CNTN6: variants seen among roughly 807,000 people sequenced by gnomAD.
CNTN6 encodes contactin-6.
A neutral mutation model predicts 122.8 loss-of-function variants in CNTN6; 137 were observed. The ratio of observed to expected loss-of-function variants is 1.12; its 90% CI spans 0.97 to 1.29. CNTN6 has a LOEUF of 1.29. Among genes scored for constraint, CNTN6 ranks in the 50% most tolerant of loss-of-function variants. The pLI, the probability that CNTN6 is intolerant of heterozygous loss-of-function variation, is 0.00. For synonymous variants in CNTN6, 570 were observed against 426.0 expected (o/e 1.34, Z -4.16); for missense variants, 1,634 against 1,223.4 (o/e 1.34, Z -5.01).
In CNTN6 at chr3:1,402,727, G is replaced by A. The variant is rs1039489387; in HGVS notation, c.2986+241G>A. The A allele has an allele frequency of 2.6e-5, 10 of 383,022 alleles. No individual in the cohort carries two copies. The Admixed American group carries it at 4.1e-4, about 16-fold the overall frequency. 23.7% of individuals were successfully genotyped at this position (383,022 alleles called of 1,614,324 possible). ...AAAGAGAACAGGAAAAAAAATCTTT[G>A]TGTCATTAGAGCATAATTGTATCAC... On this transcript the variant is annotated intron_variant, in intron 22 of 22. Transcript: ENST00000446702.
intron 20 of CNTN6, among the ~76,000 whole-genome samples, chr3:1,391,550 GC>G (rs1694147011): frequency 7.3e-6 from 1 of 136,422 alleles, no homozygotes; most frequent in African/African-American, 2.9e-5. Context: ...GGAAGTTCTG[GC>G]CAGGGCAATT....
chr3:1,265,760 C>T (rs1451579921), intron 4 of CNTN6, among the ~76,000 whole-genome samples: 1 of 152,160 alleles, frequency 6.6e-6, no homozygotes, highest in Non-Finnish European at 1.5e-5. Context: ...TATGCCATGT[C>T]CTCTGGAGCT....
chr3:1,234,179 T>C (rs2094393259), intron 4 of CNTN6, among the ~76,000 whole-genome samples: 2 of 152,292 alleles, frequency 1.3e-5, no homozygotes, highest in Middle Eastern at 6.8e-3. Context: ...ATTTCTAACA[T>C]TTCCTTCTTG....
chr3:1,335,799 T>G (rs750757408), intron 11 of CNTN6, among the ~76,000 whole-genome samples: 12 of 152,022 alleles, frequency 7.9e-5, no homozygotes, highest in Non-Finnish European at 1.6e-4. Flanking sequence ...GAGGCCAAGG[T>G]AGAAGGACTG....
At chr3:1,099,378 G>A (rs111749234) in intron 1 of CNTN6, among the ~76,000 whole-genome samples, 2 of 152,026 alleles carry the variant, frequency 1.3e-5, no homozygotes, top group Admixed American at 6.6e-5. Context: ...GGGAACCCGG[G>A]GGGCGGAGCT....
At chr3:1,136,691 A>C (rs1275631751) in intron 1 of CNTN6, among the ~76,000 whole-genome samples, 1 of 152,152 alleles carries the variant, frequency 6.6e-6, no homozygotes, top group African/African-American at 2.4e-5. Flanking sequence ...TTTCTCTTTC[A>C]AATGTTCAGA....
chr3:1,176,945 C>T (rs1019056572), intron 2 of CNTN6, among the ~76,000 whole-genome samples: 7 of 152,070 alleles, frequency 4.6e-5, no homozygotes, highest in African/African-American at 1.7e-4. Flanking sequence ...CTACTACAAC[C>T]AAGTGATCAA....
chr3:1,239,533 C>T (rs905189656), intron 4 of CNTN6, among the ~76,000 whole-genome samples: 4 of 152,052 alleles, frequency 2.6e-5, no homozygotes, highest in Admixed American at 1.3e-4. Flanking sequence ...ATGACACAAA[C>T]AAATAGAAAC....
chr3:1,320,682 T>G (rs975086773), intron 7 of CNTN6, among the ~76,000 whole-genome samples: 11 of 151,748 alleles, frequency 7.2e-5, no homozygotes, highest in African/African-American at 2.7e-4. Flanking sequence ...AAAGGAGAGA[T>G]ATTAATGTGA....
intron 20 of CNTN6, among the ~76,000 whole-genome samples, chr3:1,391,931 CCATGCTCATGGGTAGGAAGAATCAATAT>C (rs1213996914): frequency 1.3e-5 from 2 of 152,154 alleles, no homozygotes; most frequent in African/African-American, 2.4e-5. Context: ...GAAGAACATT[CCATGCTCATGGGTAGGAAGAATCAATAT>C]CATGAAAATG....
intron 1 of CNTN6, among the ~76,000 whole-genome samples, chr3:1,119,894 A>C (rs1379439733): frequency 1.3e-5 from 2 of 152,002 alleles, no homozygotes; most frequent in African/African-American, 4.8e-5. Flanking sequence ...CAATCCTACC[A>C]CATTTCTTGC....
chr3:1,239,997 A>G (rs1389221747), intron 4 of CNTN6, among the ~76,000 whole-genome samples: 1 of 152,106 alleles, frequency 6.6e-6, no homozygotes, highest in African/African-American at 2.4e-5. Context: ...CTGGATCCTC[A>G]TCTCTCACCT....
At chr3:1,220,903 A>T (rs1400096398) in intron 3 of CNTN6, 90 bp downstream of exon 3, 2 of 1,380,826 alleles carry the variant, frequency 1.4e-6, no homozygotes, top group Non-Finnish European at 1.9e-6. Flanking sequence ...AAAATGTCCT[A>T]ATTTGTAGTG....
intron 1 of CNTN6, among the ~76,000 whole-genome samples, chr3:1,102,670 G>A (rs935106599): frequency 2.0e-5 from 3 of 150,100 alleles, no homozygotes; most frequent in South Asian, 4.2e-4. Context: ...GGAGCTTGCA[G>A]TGAGCAGAGA....
At chr3:1,349,813 T>A (rs1233572160) in intron 11 of CNTN6, among the ~76,000 whole-genome samples, 6 of 151,892 alleles carry the variant, frequency 4.0e-5, no homozygotes, top group Non-Finnish European at 5.9e-5. Flanking sequence ...TGAGATTAAT[T>A]TTTTTACCAT....
chr3:1,223,230 T>TA (rs564720002), intron 3 of CNTN6, among the ~76,000 whole-genome samples: 2 of 152,176 alleles, frequency 1.3e-5, no homozygotes, highest in Non-Finnish European at 2.9e-5. Flanking sequence ...ATCCTTGACT[T>TA]AAAGTTATCA....
chr3:1,098,223 C>T (rs1294319023), intron 1 of CNTN6, among the ~76,000 whole-genome samples: 1 of 148,966 alleles, frequency 6.7e-6, no homozygotes, highest in African/African-American at 2.6e-5. Context: ...TACCCTAAAA[C>T]TTAAAGTATA....
At chr3:1,376,204 C>T (rs995513051) in intron 16 of CNTN6, among the ~76,000 whole-genome samples, 2 of 152,200 alleles carry the variant, frequency 1.3e-5, no homozygotes, top group South Asian at 2.1e-4. Flanking sequence ...TAAAGTAAAA[C>T]CTCATTCTCG....
intron 1 of CNTN6, among the ~76,000 whole-genome samples, chr3:1,131,134 T>G (rs912103624): frequency 6.6e-6 from 1 of 152,096 alleles, no homozygotes; most frequent in African/African-American, 2.4e-5. Flanking sequence ...TTCCTGACAC[T>G]TAGCAGGAGT....
Sources: gnomAD v4.1 joint callset for allele counts (sites outside exome capture counted in the v4.1 genomes callset) on GRCh38, gnomAD v4.1.1 for gene constraint, MANE v1.5 for transcripts, NCBI Gene and HGNC (gene_info 2026-07-23, HGNC 2026-07-21) for gene names.